AVEN: variants seen among roughly 807,000 people sequenced by gnomAD.
AVEN encodes the protein cell death regulator Aven.
A neutral mutation model predicts 38.1 loss-of-function variants in AVEN; 41 were observed. The ratio of observed to expected loss-of-function variants is 1.08; its 90% CI spans 0.84 to 1.40. The LOEUF (loss-of-function observed/expected upper bound fraction) is 1.40. Among genes scored for constraint, AVEN ranks in the 40% most tolerant of loss-of-function variants. The probability of loss-of-function intolerance (pLI) is 0.00; values close to 1 mark genes in which losing one functional copy is unlikely to be tolerated. For synonymous variants in AVEN, 206 were observed against 171.8 expected, an observed-to-expected ratio of 1.20 and a Z score of -1.56; for missense variants, 605 against 438.8, an observed-to-expected ratio of 1.38 and a Z score of -3.38.
At chr15:33,977,823 A>T (rs572657061) in intron 2 of AVEN, among the ~76,000 whole-genome samples, 1 of 152,196 alleles carries the variant, frequency 6.6e-6, no homozygotes, top group East Asian at 1.9e-4. Context: ...GTGTAATTCT[A>T]ACACTTTGGA....
intron 2 of AVEN, among the ~76,000 whole-genome samples, chr15:33,980,983 T>C (rs1383429868): frequency 6.6e-6 from 1 of 152,160 alleles, no homozygotes; most frequent in African/African-American, 2.4e-5. Context: ...GTAAAAACTT[T>C]CTCACTTTAA....
At chr15:33,901,599 C>T (rs991736129) in intron 2 of AVEN, among the ~76,000 whole-genome samples, 3 of 152,312 alleles carry the variant, frequency 2.0e-5, no homozygotes, top group South Asian at 4.2e-4. Context: ...ATACTGTTTT[C>T]CATAATGGCT....
In AVEN at chr15:33,884,654, A is replaced by T. The variant is rs376724262; in HGVS notation, c.446-8659T>A. On this transcript the variant is annotated intron_variant, in intron 2 of 5. Transcript: ENST00000306730. ...ATAGATAATACAGCTGCCAATTTTA[A>T]GCTTACCCTTTCAGCCCTATCAACA... Among the ~76,000 whole-genome samples, 4 of 152,290 alleles carry T rather than the reference A, an allele frequency of 2.6e-5. No homozygotes were observed. The East Asian group carries it at 7.7e-4, about 29-fold the overall frequency.
downstream of AVEN, among the ~76,000 whole-genome samples, chr15:33,863,984 G>T (rs1889488056): frequency 6.6e-6 from 1 of 152,150 alleles, no homozygotes; most frequent in South Asian, 2.1e-4. Context: ...AGAAAATGAT[G>T]GTTTGTGTCC....
At chr15:33,889,947 T>C (rs1891864374) in intron 2 of AVEN, among the ~76,000 whole-genome samples, 1 of 152,164 alleles carries the variant, frequency 6.6e-6, no homozygotes, top group African/African-American at 2.4e-5. Flanking sequence ...GGGGTCAAGG[T>C]ACGGCAAGGT....
Position 33,870,926 on chromosome 15 carries a change from G to A in AVEN, c.612+9C>T. ...TCCACCCGCTTCAAGAGGGCTTCGG[G>A]ATTTTTACCTGGACCAGTTCGGCAG... is the stretch of plus-strand genomic sequence containing the variant. On this transcript the variant is annotated intron_variant, in intron 4 of 5. Coordinates refer to ENST00000306730, the MANE Select transcript of AVEN (RefSeq NM_020371.3). The A allele has an allele frequency of 2.5e-6, 4 of 1,608,530 alleles. No individual in the cohort carries two copies. Among genetic ancestry groups the A allele is most frequent in the Non-Finnish European group, 3.4e-6 (4 of 1,176,096 alleles).
chr15:34,049,261 G>C (rs550151402), intron 5 of AVEN, among the ~76,000 whole-genome samples: 11 of 152,288 alleles, frequency 7.2e-5, no homozygotes, highest in African/African-American at 2.2e-4. Context: ...ACTTCACTGA[G>C]CTAAAGGACC....
chr15:33,965,551 G>C (rs1030411519), intron 2 of AVEN, among the ~76,000 whole-genome samples: 1 of 152,008 alleles, frequency 6.6e-6, no homozygotes, highest in African/African-American at 2.4e-5. Flanking sequence ...CCTTGTAAAA[G>C]AAAAAATCAT....
chr15:33,873,186 G>A (rs1484477167), intron 3 of AVEN, among the ~76,000 whole-genome samples: 2 of 126,172 alleles, frequency 1.6e-5, no homozygotes, highest in African/African-American at 3.0e-5. Context: ...TGCAACCTCC[G>A]CCTTCTTGGT....
chr15:33,934,280 A>G (rs1893980731), intron 2 of AVEN, among the ~76,000 whole-genome samples: 1 of 152,142 alleles, frequency 6.6e-6, no homozygotes, highest in South Asian at 2.1e-4. Flanking sequence ...GGACTCCTTG[A>G]GCCCAGGAGT....
downstream of AVEN, among the ~76,000 whole-genome samples, chr15:33,862,722 T>C (rs1340787609): frequency 6.6e-6 from 1 of 151,180 alleles, no homozygotes; most frequent in Non-Finnish European, 1.5e-5. Context: ...GTGATTCTCC[T>C]GCCTCAGCCT....
At chr15:33,994,009 T>C (rs1896834019) in intron 2 of AVEN, among the ~76,000 whole-genome samples, 1 of 152,216 alleles carries the variant, frequency 6.6e-6, no homozygotes, top group South Asian at 2.1e-4. Context: ...CTTCTGAACA[T>C]ACAGCTGTGA....
At chr15:34,001,715 C>CAAGCT (rs3028026) in intron 2 of AVEN, among the ~76,000 whole-genome samples, 145,439 of 152,062 alleles carry the variant, frequency 0.96, 69,893 homozygotes, top group East Asian at 1. Flanking sequence ...ACGGTAATGA[C>CAAGCT]GAATCCTGTG....
intron 2 of AVEN, among the ~76,000 whole-genome samples, chr15:33,922,420 A>G (rs958486786): frequency 1.2e-4 from 16 of 131,144 alleles, no homozygotes; most frequent in African/African-American, 4.3e-4. Flanking sequence ...GATTCTTGTG[A>G]ATGTGATTTG....
At chr15:33,857,771 C>G, downstream of AVEN, 1 of 1,614,006 alleles carries the variant, frequency 6.2e-7, no homozygotes, top group Non-Finnish European at 8.5e-7. Flanking sequence ...TCTGTCCTCT[C>G]ATTCCCAGTT....
chr15:33,857,946 C>CCCACTG (rs2079873160), downstream of AVEN: 1 of 1,610,322 alleles, frequency 6.2e-7, no homozygotes, highest in Non-Finnish European at 8.5e-7. Flanking sequence ...GGCCAGCCCA[C>CCCACTG]CCACTGCGGG....
At chr15:33,922,914 A>G (rs769866457) in intron 2 of AVEN, among the ~76,000 whole-genome samples, 5 of 152,256 alleles carry the variant, frequency 3.3e-5, no homozygotes, top group Admixed American at 6.5e-5. Context: ...TCAAAGTTTT[A>G]TCAGGAATGA....
At chr15:33,871,095 A>G in intron 3 of AVEN, 65 bp from the exon 4 acceptor site, 1 of 1,060,866 alleles carries the variant, frequency 9.4e-7, no homozygotes, top group Non-Finnish European at 1.3e-6. Flanking sequence ...GAAATAAAAG[A>G]AGAAACTGTA....
At chr15:34,064,264 A>C in intron 4 of AVEN, 1 of 1,614,122 alleles carries the variant, frequency 6.2e-7, no homozygotes. Flanking sequence ...CGATGGAAAA[A>C]GAAAAAAGTG....
Sources: allele counts gnomAD v4.1 joint callset (sites outside exome capture counted in the v4.1 genomes callset), GRCh38; gene constraint gnomAD v4.1.1; transcripts MANE v1.5; gene names NCBI Gene and HGNC (gene_info 2026-07-23, HGNC 2026-07-21).